SMARCA4: variants seen among roughly 807,000 people sequenced by gnomAD.
SMARCA4 encodes SWI/SNF related BAF chromatin remodeling complex subunit ATPase 4, also known as SWI/SNF-related matrix-associated actin-dependent regulator of chromatin subfamily A member 4.
In SMARCA4, 31 loss-of-function variants were observed where a neutral mutation model predicts 193.9. That is an observed-to-expected ratio of 0.16 (90% CI 0.12 to 0.22). The LOEUF is 0.22. Among genes scored for constraint, SMARCA4 ranks in the 10% least tolerant of loss-of-function variants. The pLI, the probability that SMARCA4 is intolerant of heterozygous loss-of-function variation, is 1.00. For missense variants in SMARCA4, 1,148 were observed against 2,296.0 expected (o/e 0.50, Z 10.22); for synonymous variants, 942 against 933.1 (o/e 1.01, Z -0.17).
At chr19:10,964,320 T>TC (rs2084042047) in intron 1 of SMARCA4, among the ~76,000 whole-genome samples, 1 of 151,994 alleles carries the variant, frequency 6.6e-6, no homozygotes, top group South Asian at 2.1e-4. Flanking sequence ...TTTCTTTCTT[T>TC]TTTTTTTGAG....
intron 1 of SMARCA4, among the ~76,000 whole-genome samples, chr19:10,967,941 A>T (rs896387704): frequency 6.6e-6 from 1 of 151,602 alleles, no homozygotes; most frequent in African/African-American, 2.4e-5. Context: ...CAATGGCACG[A>T]TCTTGGCTCA....
At chr19:11,036,548 G>A (rs550729436) in intron 29 of SMARCA4, among the ~76,000 whole-genome samples, 3 of 152,200 alleles carry the variant, frequency 2.0e-5, no homozygotes, top group East Asian at 1.9e-4. Flanking sequence ...CATGAGCCAC[G>A]GTGCCCAGCT....
Position 11,019,259 on chromosome 19 carries a change from C to CA in SMARCA4, c.2505+237dup, listed in dbSNP as rs2089644508. ...AGGAGTGAGCATGGTGGCCAGCACT[C>CA]AGAGGCCAGCTCAGGCGCCTGAGAT... On this transcript the variant is annotated intron_variant, in intron 17 of 34. Transcript: ENST00000344626. This position sits in a 1 kb window ranked among gnomAD's most constrained non-coding sequence, Gnocchi z 6.1. 12 of 626,880 alleles carry CA rather than the reference C, an allele frequency of 1.9e-5. No homozygotes were observed. In the East Asian group the frequency reaches 3.3e-4, roughly 17 times the overall value. 38.8% of individuals were successfully genotyped at this position (626,880 alleles called of 1,614,324 possible). A position where few individuals can be genotyped will look rare whatever the true frequency, so the allele number is the denominator to read the frequency against.
At chr19:11,008,590 A>G (rs951800444) in intron 14 of SMARCA4, among the ~76,000 whole-genome samples, 1 of 152,166 alleles carries the variant, frequency 6.6e-6, no homozygotes, top group African/African-American at 2.4e-5. Context: ...CGTTTAGGTT[A>G]TATTTGTCAT....
chr19:11,031,478 AG>A lies in SMARCA4; in HGVS notation c.3546+587del, dbSNP rs1360006774. The A allele has an allele frequency of 6.0e-6, 1 of 166,790 alleles. No individual in the cohort carries two copies. Among genetic ancestry groups the A allele is most frequent in the African/African-American group, 2.4e-5 (1 of 41,724 alleles). The allele number at this position is 166,790 out of a possible 1,614,324, so 10.3% of individuals were successfully genotyped here. ...TAACATGTAAACACCAGTGACAGTC[AG>A]GAGTCCCTTTTCCCTTCCTCTCCAA... is the stretch of plus-strand genomic sequence containing the variant. On this transcript the variant is annotated intron_variant, in intron 25 of 34. Coordinates refer to ENST00000344626, the MANE Select transcript of SMARCA4 (RefSeq NM_003072.5). This position sits in a 1 kb window ranked among gnomAD's most constrained non-coding sequence, Gnocchi z 4.3.
chr19:10,999,953 C>T (rs1219209292), intron 11 of SMARCA4, among the ~76,000 whole-genome samples: 3 of 151,434 alleles, frequency 2.0e-5, no homozygotes, highest in Admixed American at 1.3e-4. Flanking sequence ...GGGCCGGGTG[C>T]GGTGGCTCAT....
intron 1 of SMARCA4, among the ~76,000 whole-genome samples, chr19:10,982,827 A>G (rs1368644981): frequency 3.3e-5 from 5 of 152,146 alleles, no homozygotes; most frequent in Admixed American, 3.3e-4. Context: ...TTTTAAATCA[A>G]GAGAATTAAA....
intron 15 of SMARCA4, among the ~76,000 whole-genome samples, chr19:11,012,177 G>A (rs1404694205): frequency 6.6e-6 from 1 of 152,120 alleles, no homozygotes; most frequent in African/African-American, 2.4e-5. Context: ...TTTGAGACCA[G>A]GCTGGCCAAC....
Position 11,060,122 on chromosome 19 carries a change from C to T in SMARCA4, c.4846C>T (p.Pro1616Ser), listed in dbSNP as rs2147125383. ...QDRLKGGRRR[P>S]SRGSRAKPVV... The stretch of plus-strand genomic sequence containing the variant: ...CCGGCTGAAGGGCGGCCGGCGGCGG[C>T]CGAGCCGAGGGTCCCGAGCCAAGCC... Residue 1616 changes from proline (P) to serine (S), a missense_variant, in exon 34 of 35, where the codon CCG becomes TCG. Around this residue, in one of 17 missense-constraint regions of SMARCA4, gnomAD observed 105 missense variants for 133.7 expected, o/e 0.79. Coordinates refer to ENST00000344626, the MANE Select transcript of SMARCA4 (RefSeq NM_003072.5). 1 of 1,550,980 alleles carries T rather than the reference C, an allele frequency of 6.4e-7. No individual in the cohort carries two copies.
chr19:11,007,230 G>A (rs1370321578), intron 13 of SMARCA4, among the ~76,000 whole-genome samples: 2 of 152,100 alleles, frequency 1.3e-5, no homozygotes, highest in Non-Finnish European at 2.9e-5. Flanking sequence ...AGGAGTTCAA[G>A]ACCAGCCTGG....
At chr19:10,990,553 C>T (rs1231929553) in intron 7 of SMARCA4, among the ~76,000 whole-genome samples, 2 of 152,214 alleles carry the variant, frequency 1.3e-5, no homozygotes, top group Non-Finnish European at 2.9e-5. Context: ...GCTGGGATTA[C>T]AGGCATGAGC....
intron 25 of SMARCA4, chr19:11,032,135 G>A (rs1168181862): frequency 1.3e-5 from 2 of 152,318 alleles, no homozygotes; most frequent in Non-Finnish European, 2.9e-5. Context: ...CTGCACCTCA[G>A]GGCTGGGGGC....
intron 30 of SMARCA4, among the ~76,000 whole-genome samples, chr19:11,044,948 A>G (rs980075393): frequency 4.6e-5 from 7 of 152,208 alleles, no homozygotes; most frequent in Non-Finnish European, 1.0e-4. Context: ...ACAGGGCCCC[A>G]AACAGCTGTG....
Position 10,985,997 on chromosome 19 carries a change from C to G in SMARCA4, c.356-192C>G, listed in dbSNP as rs2085992348. Reference sequence around the variant, plus strand: ...CACCTTACTGAGACGTGGGCCAAACCAAATCCACCAGGTCGGCTGCTGGGC... The same window carrying G: ...CACCTTACTGAGACGTGGGCCAAACGAAATCCACCAGGTCGGCTGCTGGGC... On this transcript the variant is annotated intron_variant, in intron 3 of 34. Coordinates refer to ENST00000344626, the MANE Select transcript of SMARCA4 (RefSeq NM_003072.5). The surrounding 1 kb of genome is among the most constrained non-coding windows in gnomAD (Gnocchi z 4.5). Among the ~76,000 whole-genome samples, 1 of 152,180 alleles carries G rather than the reference C, an allele frequency of 6.6e-6. No individual in the cohort carries two copies. The highest frequency in any genetic ancestry group is 1.5e-5 in the Non-Finnish European group (1 of 68,032).
intron 1 of SMARCA4, among the ~76,000 whole-genome samples, chr19:10,981,248 C>A (rs2085529237): frequency 6.6e-6 from 1 of 152,232 alleles, no homozygotes. Context: ...CCAGTGCCTC[C>A]CCCTGCCCTG....
intron 1 of SMARCA4, among the ~76,000 whole-genome samples, chr19:10,974,687 ATATTTTTTTTTTTTT>A (rs1293576513): frequency 1.3e-4 from 6 of 46,252 alleles, no homozygotes; most frequent in Non-Finnish European, 1.5e-4. Flanking sequence ...ATATATATAT[ATATTTTTTTTTTTTT>A]TTTTTTTTTT....
At chr19:10,962,586 A>G (rs983785159) in intron 1 of SMARCA4, among the ~76,000 whole-genome samples, 1 of 152,060 alleles carries the variant, frequency 6.6e-6, no homozygotes, top group Non-Finnish European at 1.5e-5. Flanking sequence ...CCTGTCGCCC[A>G]GGCTGGAGTT....
rs139505007 is a variant in SMARCA4 at position 11,058,324 on chromosome 19, C to T, written c.4494C>T (p.Tyr1498=). 1,133 of 1,613,332 alleles carry T rather than the reference C, an allele frequency of 7.0e-4. 4 individuals are homozygous for T. The African/African-American group carries it at 0.014, about 19-fold the overall frequency. Residue 1498 remains tyrosine, a synonymous_variant, in exon 31 of 35, where the codon TAC becomes TAT. Transcript: ENST00000344626. The surrounding 1 kb of genome is among the most constrained non-coding windows in gnomAD (Gnocchi z 5.8). ...CGCGAAAGGAGCTGCCCGAGTACTA[C>T]GAGCTCATCCGCAAGCCCGTGGACT... The part of the protein sequence containing the change: ...LPSRKELPEY[Y]ELIRKPVDFK...
chr19:11,061,887 C>A lies in SMARCA4; in HGVS notation c.*71C>A, dbSNP rs932265086. 157 of 1,347,006 alleles carry A rather than the reference C, an allele frequency of 1.2e-4. No individual in the cohort carries two copies. The highest frequency in any genetic ancestry group is 1.6e-4 in the Non-Finnish European group (153 of 936,290). 83.4% of individuals were successfully genotyped at this position (1,347,006 alleles called of 1,614,324 possible). ...GAGATGGCATAGGCCTTAGCAGTAA[C>A]GGGTAGCAGCAGATGTAGTTTCAGA... is the stretch of plus-strand genomic sequence containing the variant. On this transcript the variant is annotated 3_prime_UTR_variant, in exon 35 of 35. Coordinates refer to ENST00000344626, the MANE Select transcript of SMARCA4 (RefSeq NM_003072.5).
Sources: allele counts gnomAD v4.1 joint callset (sites outside exome capture counted in the v4.1 genomes callset), GRCh38; gene constraint gnomAD v4.1.1; regional missense constraint gnomAD v4.1.1; non-coding constraint Gnocchi (gnomAD v3.1); transcripts MANE v1.5; gene names NCBI Gene and HGNC (gene_info 2026-07-23, HGNC 2026-07-21).